Variants in TMEM217B observed in about 807,000 individuals in gnomAD.
The protein encoded by TMEM217B is putative transmembrane protein 217B.
At chr6:37,214,354 A>G in the TMEM217B span, among the ~76,000 whole-genome samples, 1 of 151,980 alleles carries the variant, frequency 6.6e-6, no homozygotes, top group African/African-American at 2.4e-5. Context: ...CAGCCTCCCA[A>G]GTAGCTGGGA....
chr6:37,219,936 A>T, the TMEM217B span, among the ~76,000 whole-genome samples: 7 of 152,312 alleles, frequency 4.6e-5, no homozygotes, highest in South Asian at 1.4e-3. Flanking sequence ...TCTCTACTAC[A>T]TATCAAAATA....
the TMEM217B span, among the ~76,000 whole-genome samples, chr6:37,221,989 C>A: frequency 6.6e-6 from 1 of 152,282 alleles, no homozygotes; most frequent in African/African-American, 2.4e-5. Context: ...CTCTCTGTAG[C>A]TGGTCCTCCC....
chr6:37,230,949 T>G, the TMEM217B span, among the ~76,000 whole-genome samples: 1 of 152,158 alleles, frequency 6.6e-6, no homozygotes, highest in Admixed American at 6.5e-5. Flanking sequence ...TTGTTATTGT[T>G]TGTTTTTGTT....
At chr6:37,239,484 A>C in the TMEM217B span, among the ~76,000 whole-genome samples, 2 of 151,758 alleles carry the variant, frequency 1.3e-5, no homozygotes, top group African/African-American at 4.8e-5. Flanking sequence ...TAAAAAATAA[A>C]TAAATAAATA....
At chr6:37,257,760 G>A in the TMEM217B span, 1 of 745,948 alleles carries the variant, frequency 1.3e-6, no homozygotes, top group African/African-American at 1.8e-5. Context: ...GGTGCTGGGT[G>A]GAGGGGTGCC....
At chr6:37,242,346 G>A in the TMEM217B span, among the ~76,000 whole-genome samples, 3 of 152,180 alleles carry the variant, frequency 2.0e-5, no homozygotes, top group Non-Finnish European at 4.4e-5. Context: ...TCCACATGCT[G>A]TAGAAAGCTG....
chr6:37,245,713 G>A, the TMEM217B span, among the ~76,000 whole-genome samples: 1 of 152,054 alleles, frequency 6.6e-6, no homozygotes, highest in Non-Finnish European at 1.5e-5. Context: ...GGAGGAGGAG[G>A]AAGAGCAGGA....
the TMEM217B span, among the ~76,000 whole-genome samples, chr6:37,223,763 CT>C: frequency 6.6e-6 from 1 of 152,184 alleles, no homozygotes; most frequent in Non-Finnish European, 1.5e-5. Context: ...CCACCTTGGC[CT>C]CCCAAAGTGC....
chr6:37,227,329 C>T, the TMEM217B span, among the ~76,000 whole-genome samples: 1 of 152,166 alleles, frequency 6.6e-6, no homozygotes, highest in African/African-American at 2.4e-5. Flanking sequence ...ATGTTCCTTT[C>T]TCCTTTCTTC....
At chr6:37,226,179 C>T in the TMEM217B span, among the ~76,000 whole-genome samples, 1 of 151,372 alleles carries the variant, frequency 6.6e-6, no homozygotes, top group African/African-American at 2.4e-5. Flanking sequence ...TGAGTCTATG[C>T]TTATTTACCA....
chr6:37,233,780 TACTA>T, the TMEM217B span, among the ~76,000 whole-genome samples: 11 of 152,256 alleles, frequency 7.2e-5, no homozygotes, highest in South Asian at 4.1e-4. Flanking sequence ...CTAACGAAGT[TACTA>T]ACTAACTAAC....
chr6:37,231,583 G>T, the TMEM217B span, among the ~76,000 whole-genome samples: 1 of 148,806 alleles, frequency 6.7e-6, no homozygotes, highest in Non-Finnish European at 1.5e-5. Flanking sequence ...TGAGGCAGGA[G>T]AATGGCGTGA....
the TMEM217B span, among the ~76,000 whole-genome samples, chr6:37,255,693 A>G: frequency 6.6e-6 from 1 of 151,988 alleles, no homozygotes; most frequent in Non-Finnish European, 1.5e-5. Flanking sequence ...CAAAAAAAAA[A>G]AAAAAGGTCT....
chr6:37,212,672 T>C, the TMEM217B span: 3 of 590,500 alleles, frequency 5.1e-6, no homozygotes, highest in Admixed American at 6.5e-5. Context: ...ATGGAGAAGT[T>C]GATGAGCTCG....
chr6:37,215,643 G>A, the TMEM217B span, among the ~76,000 whole-genome samples: 1 of 149,888 alleles, frequency 6.7e-6, no homozygotes, highest in African/African-American at 2.5e-5. Flanking sequence ...TGATAAATGT[G>A]ATAGAGGAAG....
the TMEM217B span, chr6:37,218,304 G>A: frequency 2.5e-6 from 3 of 1,178,118 alleles, no homozygotes; most frequent in East Asian, 5.1e-5. Flanking sequence ...AAGTGGCTGG[G>A]ATTACAGGTG....
chr6:37,240,201 A>G, the TMEM217B span, among the ~76,000 whole-genome samples: 2 of 152,248 alleles, frequency 1.3e-5, no homozygotes, highest in Non-Finnish European at 2.9e-5. Flanking sequence ...AACATTTATT[A>G]TCTCATAATT....
At chr6:37,229,581 A>G in the TMEM217B span, among the ~76,000 whole-genome samples, 2 of 151,896 alleles carry the variant, frequency 1.3e-5, no homozygotes, top group Non-Finnish European at 1.5e-5. Context: ...TGACCTCGTG[A>G]TCCACCCGCC....
the TMEM217B span, among the ~76,000 whole-genome samples, chr6:37,223,160 TAGAG>T: frequency 6.6e-6 from 1 of 151,552 alleles, no homozygotes; most frequent in Non-Finnish European, 1.5e-5. Flanking sequence ...GATGTTCTGA[TAGAG>T]AAAGAGAGAT....
Sources: allele counts gnomAD v4.1 joint callset (sites outside exome capture counted in the v4.1 genomes callset), GRCh38; gene constraint gnomAD v4.1.1; transcripts MANE v1.5; gene names NCBI Gene and HGNC (gene_info 2026-07-23, HGNC 2026-07-21).